The following ZNF653 variants were observed in gnomAD, a reference collection of about 807,000 sequenced individuals.
ZNF653 encodes 67 kDa zinc finger protein.
ZNF653 carries 37 observed loss-of-function variants against 59.9 expected under a neutral mutation model. The observed-to-expected ratio is 0.62, with a 90% confidence interval of 0.48 to 0.81. The LOEUF is 0.81. Ranked by LOEUF, ZNF653 falls within the 40% of genes least tolerant of loss-of-function variation. The probability of loss-of-function intolerance (pLI) is 0.00; values close to 1 mark genes in which losing one functional copy is unlikely to be tolerated. For synonymous variants in ZNF653, 435 were observed against 371.8 expected (o/e 1.17, Z -1.96); for missense variants, 808 against 881.1 (o/e 0.92, Z 1.05).
rs1184046558 is a variant in ZNF653, at chr19:11,487,317, T to C, written c.1146A>G (p.Ala382=). The C allele has an allele frequency of 6.2e-7, 1 of 1,613,522 alleles. No individual in the cohort carries two copies. Reference sequence around the variant, plus strand: ...CTTTCTTGGTCTCGATGCCTGCTACTGCGGTGGCGTCCATGGTGCTAGGCT... The same window carrying C: ...CTTTCTTGGTCTCGATGCCTGCTACCGCGGTGGCGTCCATGGTGCTAGGCT... ...GSQPSTMDAT[A]VAGIETKKEK... Residue 382 remains alanine, a synonymous_variant, in exon 4 of 9, where the codon GCA becomes GCG. Transcript: ENST00000293771. This position sits in a 1 kb window ranked among gnomAD's most constrained non-coding sequence, Gnocchi z 5.1.
At chr19:11,502,385 C>T (rs963104268) in intron 1 of ZNF653, among the ~76,000 whole-genome samples, 2 of 152,248 alleles carry the variant, frequency 1.3e-5, no homozygotes, top group East Asian at 3.8e-4. Context: ...AGCTACCATG[C>T]CTGGTCTTCC....
chr19:11,494,880 C>G (rs1019097653), intron 3 of ZNF653, among the ~76,000 whole-genome samples: 33 of 152,148 alleles, frequency 2.2e-4, no homozygotes, highest in African/African-American at 7.5e-4. Context: ...CATGGTGGCT[C>G]TGGGCAGGGC....
chr19:11,487,235 C>G lies in ZNF653; in HGVS notation c.1171+57G>C. 6.3e-7 allele frequency: 1 copy of G among 1,598,350 alleles called. No individual in the cohort carries two copies. Among genetic ancestry groups the G allele is most frequent in the Non-Finnish European group, 8.5e-7 (1 of 1,171,702 alleles). On this transcript the variant is annotated intron_variant, in intron 4 of 8. Transcript: ENST00000293771. The surrounding 1 kb of genome is among the most constrained non-coding windows in gnomAD (Gnocchi z 5.1). ...GCCCACTTCGAGGGCCATTCCTCGC[C>G]CGGCCCCTCCCAGGCCCAACCACCC...
chr19:11,496,248 A>G, intron 2 of ZNF653, 83 bp from the exon 3 acceptor site: 2 of 1,359,934 alleles, frequency 1.5e-6, no homozygotes, highest in South Asian at 2.6e-5. Flanking sequence ...CCGGGGCTTT[A>G]TGGGTCCCAT....
At chr19:11,490,553 ATTT>A (rs59221206) in intron 3 of ZNF653, among the ~76,000 whole-genome samples, 1 of 147,322 alleles carries the variant, frequency 6.8e-6, no homozygotes, top group Non-Finnish European at 1.5e-5. Context: ...TGTCAGGCTA[ATTT>A]TTTTTTTTGT....
intron 3 of ZNF653, among the ~76,000 whole-genome samples, chr19:11,494,826 C>T (rs1317644613): frequency 6.6e-6 from 1 of 152,214 alleles, no homozygotes; most frequent in African/African-American, 2.4e-5. Flanking sequence ...CTTGGGATTC[C>T]TTGACTGCCA....
Position 11,485,689 on chromosome 19 carries a change from T to G in ZNF653, c.1537A>C (p.Asn513His). ...ATGATCATGTGCCGCCGCAGGTGGT[T>G]GGATAAATAGAACTTCTTGCCACAG... ...PGCGKKFYLS[N>H]HLRRHMIIHS... Residue 513 changes from asparagine (N) to histidine (H), a missense_variant, in exon 7 of 9, where the codon AAC becomes CAC. Asn to His is a moderately conservative substitution (Grantham distance 68, BLOSUM62 1). Transcript: ENST00000293771. 6.2e-7 allele frequency: 1 copy of G among 1,614,014 alleles called. No individual in the cohort carries two copies. The highest frequency in any genetic ancestry group is 8.5e-7 in the Non-Finnish European group (1 of 1,179,956).
intron 3 of ZNF653, among the ~76,000 whole-genome samples, chr19:11,490,928 G>T (rs1466485155): frequency 6.6e-6 from 1 of 152,190 alleles, no homozygotes; most frequent in Admixed American, 6.5e-5. Flanking sequence ...CTCTCCAGTG[G>T]CTCAGGCCAA....
At chr19:11,493,608 G>A (rs7253513) in intron 3 of ZNF653, among the ~76,000 whole-genome samples, 5,283 of 152,184 alleles carry the variant, frequency 0.035, 325 homozygotes, top group African/African-American at 0.12. Context: ...GAAGGAGGGC[G>A]CAGTGTCCTA....
At chr19:11,493,338 G>A (rs1971548735) in intron 3 of ZNF653, among the ~76,000 whole-genome samples, 2 of 152,056 alleles carry the variant, frequency 1.3e-5, no homozygotes, top group South Asian at 4.2e-4. Context: ...GATTACAGGT[G>A]TGAGCCACCG....
At chr19:11,490,479 C>T (rs368427147) in intron 3 of ZNF653, among the ~76,000 whole-genome samples, 1 of 152,080 alleles carries the variant, frequency 6.6e-6, no homozygotes, top group East Asian at 1.9e-4. Flanking sequence ...CTCCGCCTCC[C>T]AGGTTTAAAA....
At chr19:11,496,506 T>C (rs1039847847) in intron 2 of ZNF653, among the ~76,000 whole-genome samples, 5 of 152,116 alleles carry the variant, frequency 3.3e-5, no homozygotes, top group African/African-American at 1.2e-4. Context: ...GCTCCCGCCC[T>C]AACCACCCCC....
chr19:11,504,355 C>G, intron 1 of ZNF653: 1 of 187,256 alleles, frequency 5.3e-6, no homozygotes, highest in Non-Finnish European at 1.0e-5. Flanking sequence ...GAACGGAGAT[C>G]GTGCCACTGC....
chr19:11,491,148 T>C (rs1971525738), intron 3 of ZNF653, among the ~76,000 whole-genome samples: 1 of 152,160 alleles, frequency 6.6e-6, no homozygotes, highest in Non-Finnish European at 1.5e-5. Flanking sequence ...GAACCTACTC[T>C]TTACCTCCTG....
At chr19:11,493,080 CAG>C (rs1361554141) in intron 3 of ZNF653, among the ~76,000 whole-genome samples, 3 of 140,686 alleles carry the variant, frequency 2.1e-5, no homozygotes, top group East Asian at 4.3e-4. Flanking sequence ...TTTTTCTAGA[CAG>C]AGTCTTGCTC....
At position 11,487,842 on chromosome 19, in the gene ZNF653, A is replaced by T. The variant is rs117673751; in HGVS notation, c.621T>A (p.Ser207=). ...CCGGCTGGCCCTCAGGAGACTCCTC[A>T]GAGTCAGAGGCAGAGCCAGAGCTGG... ...DSSSSGSASD[S]EESPEGQPVK... The change falls in exon 4 of 9, where the codon TCT becomes TCA. Residue 207 remains serine (S), a synonymous_variant. Transcript: ENST00000293771. The surrounding 1 kb of genome is among the most constrained non-coding windows in gnomAD (Gnocchi z 5.1). 6.2e-7 allele frequency: 1 copy of T among 1,611,078 alleles called. No individual in the cohort carries two copies. Among genetic ancestry groups the T allele is most frequent in the East Asian group, 2.2e-5 (1 of 44,808 alleles).
At chr19:11,496,454 A>C (rs373755599) in intron 2 of ZNF653, among the ~76,000 whole-genome samples, 2 of 152,108 alleles carry the variant, frequency 1.3e-5, no homozygotes, top group Non-Finnish European at 2.9e-5. Flanking sequence ...CATCTTCATC[A>C]AACGCCTAGA....
intron 1 of ZNF653, among the ~76,000 whole-genome samples, chr19:11,501,310 C>G (rs943193037): frequency 2.6e-5 from 4 of 151,972 alleles, no homozygotes; most frequent in Non-Finnish European, 5.9e-5. Flanking sequence ...TCCTGAGTAG[C>G]TGGGACCACA....
intron 3 of ZNF653, among the ~76,000 whole-genome samples, chr19:11,492,794 C>T (rs1433523367): frequency 6.6e-6 from 1 of 152,092 alleles, no homozygotes; most frequent in Non-Finnish European, 1.5e-5. Flanking sequence ...ATAAATGAAT[C>T]AATCTCTGCT....
Sources: allele counts gnomAD v4.1 joint callset (sites outside exome capture counted in the v4.1 genomes callset), GRCh38; gene constraint gnomAD v4.1.1; non-coding constraint Gnocchi (gnomAD v3.1); transcripts MANE v1.5; gene names NCBI Gene and HGNC (gene_info 2026-07-23, HGNC 2026-07-21).